ARHGEF10L: variants seen among roughly 807,000 people sequenced by gnomAD.
ARHGEF10L encodes the protein Rho guanine nucleotide exchange factor 10 like.
In ARHGEF10L, 69 loss-of-function variants were observed where a neutral mutation model predicts 141.2. The ratio of observed to expected loss-of-function variants is 0.49; its 90% CI spans 0.40 to 0.60. ARHGEF10L has a LOEUF of 0.60. Ranked by LOEUF, ARHGEF10L falls within the 20% of genes least tolerant of loss-of-function variation. The probability of loss-of-function intolerance (pLI) is 0.00; values close to 1 mark genes in which losing one functional copy is unlikely to be tolerated. For missense variants in ARHGEF10L, 1,482 were observed against 1,734.3 expected, an observed-to-expected ratio of 0.85 and a Z score of 2.58; for synonymous variants, 711 against 718.5, an observed-to-expected ratio of 0.99 and a Z score of 0.17.
rs1332046184 is a variant in ARHGEF10L at position 17,621,001 on chromosome 1, G to T, written c.943-863G>T. ...GCCACACCATGCTCGACGGGGTACT[G>T]CAGGCTGCAGCTGAGGGGTTGTGAT... On this transcript the variant is annotated intron_variant, in intron 10 of 28. Coordinates refer to ENST00000361221, the MANE Select transcript of ARHGEF10L (RefSeq NM_018125.4). This position sits in a 1 kb window ranked among gnomAD's most constrained non-coding sequence, Gnocchi z 4.1. Among the ~76,000 whole-genome samples, 1 of 152,182 alleles carries T rather than the reference G, an allele frequency of 6.6e-6. No homozygotes were observed. Among genetic ancestry groups the T allele is most frequent in the East Asian group, 1.9e-4 (1 of 5,178 alleles).
chr1:17,625,855 G>A lies in ARHGEF10L; in HGVS notation c.1318-101G>A, dbSNP rs921192874. 1.1e-5 allele frequency: 11 copies of A among 1,005,284 alleles called. No individual in the cohort carries two copies. The African/African-American group carries it at 1.4e-4, about 13-fold the overall frequency. The allele number at this position is 1,005,284 out of a possible 1,614,324, so 62.3% of individuals were successfully genotyped here. On this transcript the variant is annotated intron_variant, in intron 13 of 28. Coordinates refer to ENST00000361221, the MANE Select transcript of ARHGEF10L (RefSeq NM_018125.4). This position sits in a 1 kb window ranked among gnomAD's most constrained non-coding sequence, Gnocchi z 4.5. The stretch of plus-strand genomic sequence containing the variant: ...GCCCAGGGATAGGCAGGGTCTTAGG[G>A]CCTGGGGAGAGGAGCCCAGAATGGG...
At chr1:17,515,135 G>A in the ARHGEF10L span, among the ~76,000 whole-genome samples, 3 of 152,146 alleles carry the variant, frequency 2.0e-5, no homozygotes, top group East Asian at 1.9e-4. Context: ...GTGAACAAGG[G>A]TCCTCAATGG....
intron 21 of ARHGEF10L, among the ~76,000 whole-genome samples, chr1:17,647,467 G>A (rs1253066972): frequency 6.6e-6 from 1 of 152,170 alleles, no homozygotes; most frequent in Non-Finnish European, 1.5e-5. Flanking sequence ...CATAGGGAGT[G>A]TAAAGAAGGA....
At chr1:17,610,479 C>G (rs1226468080) in intron 7 of ARHGEF10L, among the ~76,000 whole-genome samples, 1 of 152,196 alleles carries the variant, frequency 6.6e-6, no homozygotes. Flanking sequence ...GGCCAAGGCC[C>G]ACCTGCTCGC....
At chr1:17,524,642 G>A in the ARHGEF10L span, among the ~76,000 whole-genome samples, 3 of 152,146 alleles carry the variant, frequency 2.0e-5, no homozygotes, top group African/African-American at 7.2e-5. Flanking sequence ...GTTCTATTGT[G>A]GGGAAGCTGA....
Position 17,639,891 on chromosome 1 carries a change from G to A in ARHGEF10L, c.2172-311G>A. The A allele has an allele frequency of 1.4e-6, 2 of 1,423,532 alleles. No individual in the cohort carries two copies. The highest frequency in any genetic ancestry group is 1.9e-6 in the Non-Finnish European group (2 of 1,075,382). The allele number at this position is 1,423,532 out of a possible 1,614,324, so 88.2% of individuals were successfully genotyped here. On this transcript the variant is annotated intron_variant, in intron 20 of 28. Coordinates refer to ENST00000361221, the MANE Select transcript of ARHGEF10L (RefSeq NM_018125.4). The surrounding 1 kb of genome is among the most constrained non-coding windows in gnomAD (Gnocchi z 4.3). ...CTGTGGACAGCTGACCGCTGACCAG[G>A]TGGAGTCACAGCCTGCAGAGGCTCT...
At chr1:17,666,186 C>T (rs1254866784) in intron 26 of ARHGEF10L, among the ~76,000 whole-genome samples, 2 of 152,210 alleles carry the variant, frequency 1.3e-5, no homozygotes, top group Admixed American at 6.5e-5. Flanking sequence ...CTCAGAGCCA[C>T]GTTTAACCAA....
chr1:17,522,168 C>T, the ARHGEF10L span, among the ~76,000 whole-genome samples: 1 of 152,118 alleles, frequency 6.6e-6, no homozygotes, highest in African/African-American at 2.4e-5. Flanking sequence ...GGGGCCTGGG[C>T]CCTGCGTCTG....
At chr1:17,617,070 G>A (rs2059848653) in intron 9 of ARHGEF10L, among the ~76,000 whole-genome samples, 2 of 152,192 alleles carry the variant, frequency 1.3e-5, no homozygotes, top group Non-Finnish European at 1.5e-5. Flanking sequence ...GGACACACAG[G>A]CCTGGAAGGG....
At chr1:17,624,342 C>T in intron 12 of ARHGEF10L, 45 bp from the exon 13 acceptor site, 1 of 1,502,662 alleles carries the variant, frequency 6.7e-7, no homozygotes, top group Non-Finnish European at 9.3e-7. Context: ...CCTTCTGCTC[C>T]CTGCATTGAG....
chr1:17,697,416 G>C lies in ARHGEF10L; in HGVS notation c.*36G>C, dbSNP rs781502644. On this transcript the variant is annotated 3_prime_UTR_variant, in exon 29 of 29. Coordinates refer to ENST00000361221, the MANE Select transcript of ARHGEF10L (RefSeq NM_018125.4). The surrounding 1 kb of genome is among the most constrained non-coding windows in gnomAD (Gnocchi z 4.8). ...CTCCCCTCAGAGGGCACAGCTGCAG[G>C]CCTGACCAAGGCCACGCCCGGCTCT... The C allele has an allele frequency of 6.5e-7, 1 of 1,550,242 alleles. No individual in the cohort carries two copies. Among genetic ancestry groups the C allele is most frequent in the East Asian group, 2.3e-5 (1 of 44,202 alleles).
chr1:17,621,926 G>T lies in ARHGEF10L; in HGVS notation c.1005G>T (p.Leu335=), dbSNP rs1256332411. The T allele has an allele frequency of 2.5e-6, 4 of 1,614,090 alleles. No individual in the cohort carries two copies. The South Asian group carries it at 4.4e-5, about 18-fold the overall frequency. The change falls in exon 11 of 29, where the codon CTG becomes CTT. Residue 335 remains leucine (L), a synonymous_variant. Transcript: ENST00000361221. The surrounding 1 kb of genome is among the most constrained non-coding windows in gnomAD (Gnocchi z 4.1). ...GCGAAGGCAGCTACGTGGAGTCTCT[G>T]AAGCGGATACTCCAGGTGCGACTTC... is the stretch of plus-strand genomic sequence containing the variant. The part of the protein sequence containing the change: ...VQSEGSYVES[L]KRILQDYRNP...
chr1:17,611,482 G>A (rs527374758), intron 7 of ARHGEF10L, among the ~76,000 whole-genome samples: 2 of 152,242 alleles, frequency 1.3e-5, no homozygotes, highest in South Asian at 4.2e-4. Flanking sequence ...GAAGCTCAGA[G>A]AGACTTAAAT....
At chr1:17,519,455 C>G in the ARHGEF10L span, among the ~76,000 whole-genome samples, 1 of 151,770 alleles carries the variant, frequency 6.6e-6, no homozygotes, top group South Asian at 2.1e-4. Flanking sequence ...ACAAAAAATA[C>G]AAAAATTAAC....
At chr1:17,626,873 C>G (rs1010716295) in intron 14 of ARHGEF10L, among the ~76,000 whole-genome samples, 1 of 152,256 alleles carries the variant, frequency 6.6e-6, no homozygotes, top group Non-Finnish European at 1.5e-5. Context: ...TTTTTCTTTT[C>G]GTGACTGGCT....
At chr1:17,597,180 C>T (rs2080192880) in intron 4 of ARHGEF10L, among the ~76,000 whole-genome samples, 1 of 152,168 alleles carries the variant, frequency 6.6e-6, no homozygotes, top group African/African-American at 2.4e-5. Context: ...CTTTCCTTTG[C>T]ATTCAGGTTG....
intron 28 of ARHGEF10L, among the ~76,000 whole-genome samples, chr1:17,695,511 G>A (rs2065432562): frequency 6.6e-6 from 1 of 152,264 alleles, no homozygotes; most frequent in East Asian, 1.9e-4. Flanking sequence ...ACACAAGAGT[G>A]GCTTGGGGCC....
Position 17,619,251 on chromosome 1 carries a change from T to C in ARHGEF10L, c.836-88T>C, listed in dbSNP as rs1435872106. 2 of 1,322,070 alleles carry C rather than the reference T, an allele frequency of 1.5e-6. No individual in the cohort carries two copies. The highest frequency in any genetic ancestry group is 2.1e-5 in the Admixed American group (1 of 48,776). 81.9% of individuals were successfully genotyped at this position (1,322,070 alleles called of 1,614,324 possible). On this transcript the variant is annotated intron_variant, in intron 9 of 28. Coordinates refer to ENST00000361221, the MANE Select transcript of ARHGEF10L (RefSeq NM_018125.4). This position sits in a 1 kb window ranked among gnomAD's most constrained non-coding sequence, Gnocchi z 5.0. ...GCACCCTAGGACCTGGGTCCAAGGC[T>C]GGTCTAGGGGGGCTCTCAGCTCCTG...
chr1:17,685,593 T>G (rs2064503549), intron 26 of ARHGEF10L, among the ~76,000 whole-genome samples: 2 of 152,284 alleles, frequency 1.3e-5, no homozygotes, highest in Non-Finnish European at 2.9e-5. Context: ...GTAATCTTTC[T>G]TTGTTTTAAT....
Sources: allele counts gnomAD v4.1 joint callset (sites outside exome capture counted in the v4.1 genomes callset), GRCh38; gene constraint gnomAD v4.1.1; non-coding constraint Gnocchi (gnomAD v3.1); transcripts MANE v1.5; gene names NCBI Gene and HGNC (gene_info 2026-07-23, HGNC 2026-07-21).